A4GALT: variants seen among roughly 807,000 people sequenced by gnomAD.
The protein encoded by A4GALT is alpha 1,4-galactosyltransferase (P1PK blood group), also known as lactosylceramide 4-alpha-galactosyltransferase.
For missense variants in A4GALT, 512 were observed against 486.0 expected (o/e 1.05, Z -0.50); for synonymous variants, 257 against 220.7 (o/e 1.16, Z -1.46).
chr22:42,715,831 C>CTT (rs202032877), intron 1 of A4GALT, among the ~76,000 whole-genome samples: 3 of 81,244 alleles, frequency 3.7e-5, no homozygotes, highest in African/African-American at 8.2e-5. Context: ...AAGATACAAT[C>CTT]TTTTTTTTTG....
chr22:42,716,441 C>G (rs1257096866), intron 1 of A4GALT, among the ~76,000 whole-genome samples: 1 of 152,156 alleles, frequency 6.6e-6, no homozygotes, highest in African/African-American at 2.4e-5. Flanking sequence ...GAGCACTGAC[C>G]ATGTGCAGCC....
chr22:42,711,672 T>G (rs1001494463), intron 1 of A4GALT, among the ~76,000 whole-genome samples: 2 of 152,114 alleles, frequency 1.3e-5, no homozygotes, highest in Non-Finnish European at 2.9e-5. Flanking sequence ...CTCGCTCTGT[T>G]GCCCAGGCTG....
intron 1 of A4GALT, among the ~76,000 whole-genome samples, chr22:42,699,464 C>A (rs1931157113): frequency 6.6e-6 from 1 of 152,190 alleles, no homozygotes; most frequent in Non-Finnish European, 1.5e-5. Context: ...GTGTGAGTGG[C>A]CACGACCCTC....
At chr22:42,720,197 CCCCGTGCCCAG>C (rs1265270457) in intron 1 of A4GALT, among the ~76,000 whole-genome samples, 7 of 142,200 alleles carry the variant, frequency 4.9e-5, no homozygotes, top group African/African-American at 1.8e-4. Context: ...AACCGGCTCG[CCCCGTGCCCAG>C]CTCGTACCCA....
chr22:42,701,293 T>A (rs1601999400), intron 1 of A4GALT, among the ~76,000 whole-genome samples: 1 of 152,056 alleles, frequency 6.6e-6, no homozygotes, highest in East Asian at 1.9e-4. Context: ...TGGACAGGGG[T>A]AACACCAGCA....
rs753250465 is a variant in A4GALT, at chr22:42,703,057, C to CTCTGTGTGTGTGTGTGTG, written c.-187-7427_-187-7426insCACACACACACACACAGA. Among the ~76,000 whole-genome samples the CTCTGTGTGTGTGTGTGTG allele has an allele frequency of 2.8e-3, 371 of 134,412 alleles. 27 individuals carry two copies. Among genetic ancestry groups the CTCTGTGTGTGTGTGTGTG allele is most frequent in the African/African-American group, 0.011 (341 of 31,028 alleles). The allele number at this position is 134,412 out of a possible 152,430, so 88.2% of individuals were successfully genotyped here. A position where few individuals can be genotyped will look rare whatever the true frequency, so the allele number is the denominator to read the frequency against. On this transcript the variant is annotated intron_variant, in intron 1 of 2. Transcript: ENST00000642412. The stretch of plus-strand genomic sequence containing the variant: ...GCCTTGGCTGGCACATGCTGCCCTG[C>CTCTGTGTGTGTGTGTGTG]TGTGTGTGTGTGTGTGTGTGTGTGT...
At chr22:42,705,338 T>C (rs924875104) in intron 1 of A4GALT, among the ~76,000 whole-genome samples, 1 of 152,154 alleles carries the variant, frequency 6.6e-6, no homozygotes, top group Non-Finnish European at 1.5e-5. Flanking sequence ...CAATGGCTCA[T>C]GCCTGTAATC....
chr22:42,712,605 G>C (rs1921790365), intron 1 of A4GALT, among the ~76,000 whole-genome samples: 3 of 152,194 alleles, frequency 2.0e-5, no homozygotes, highest in African/African-American at 7.2e-5. Flanking sequence ...CTGTCTTAAA[G>C]ATTAAAAATA....
At chr22:42,706,378 G>A (rs1267466022) in intron 1 of A4GALT, among the ~76,000 whole-genome samples, 20 of 110,566 alleles carry the variant, frequency 1.8e-4, no homozygotes, top group East Asian at 1.5e-3. Context: ...AAAAAAAAAA[G>A]TTTCACCCAC....
chr22:42,692,939 T>G lies in A4GALT; in HGVS notation c.1013A>C (p.His338Pro). ...GTGCGTCGTGGGGCAGTAGCGGGCATGCAGCTGGGCCAGCAGTGCCCTGGA... is the reference window on the plus strand; with the variant it reads ...GTGCGTCGTGGGGCAGTAGCGGGCAGGCAGCTGGGCCAGCAGTGCCCTGGA... ...ATSRALLAQLHARYCPTTHEA... is the reference protein window; with the variant it reads ...ATSRALLAQLPARYCPTTHEA... Residue 338 changes from histidine (H) to proline (P), a missense_variant, in exon 3 of 3, where the codon CAT becomes CCT. By Grantham distance (77) the His-to-Pro change is moderately conservative (BLOSUM62 -2). Transcript: ENST00000642412. This position sits in a 1 kb window ranked among gnomAD's most constrained non-coding sequence, Gnocchi z 4.6. The G allele has an allele frequency of 6.2e-7, 1 of 1,610,558 alleles. No homozygotes were observed. Among genetic ancestry groups the G allele is most frequent in the South Asian group, 1.1e-5 (1 of 91,072 alleles).
Position 42,692,353 on chromosome 22 carries a change from G to C in A4GALT, c.*537C>G, listed in dbSNP as rs918071478. On this transcript the variant is annotated 3_prime_UTR_variant, in exon 3 of 3. Transcript: ENST00000642412. The surrounding 1 kb of genome is among the most constrained non-coding windows in gnomAD (Gnocchi z 4.6). ...CGGCTCCCCAGGCTGGCACTTCTGG[G>C]CCTCTGCCCCACTCAGTCCCTGTTG... 2.5e-5 allele frequency: 7 copies of C among 277,126 alleles called. No homozygotes were observed. Among genetic ancestry groups the C allele is most frequent in the Non-Finnish European group, 2.1e-5 (3 of 140,930 alleles). The allele number at this position is 277,126 out of a possible 1,614,324, so 17.2% of individuals were successfully genotyped here. A position where few individuals can be genotyped will look rare whatever the true frequency, so the allele number is the denominator to read the frequency against.
At chr22:42,694,880 C>G (rs891625434) in intron 2 of A4GALT, 4 of 152,228 alleles carry the variant, frequency 2.6e-5, no homozygotes, top group African/African-American at 9.7e-5. Flanking sequence ...AGGTGACTTT[C>G]TCAGCATCTC....
chr22:42,720,696 C>CGCCCCT (rs533196162), intron 1 of A4GALT, 101 bp downstream of exon 1: 6 of 152,254 alleles, frequency 3.9e-5, no homozygotes, highest in South Asian at 2.0e-4. Flanking sequence ...CCAGCCCCTC[C>CGCCCCT]GCCCCTGCCC....
At chr22:42,696,998 C>T (rs1341734272) in intron 1 of A4GALT, among the ~76,000 whole-genome samples, 1 of 151,352 alleles carries the variant, frequency 6.6e-6, no homozygotes, top group Non-Finnish European at 1.5e-5. Flanking sequence ...GTTTCCTCAT[C>T]CTTGCATTTA....
At chr22:42,700,171 C>G (rs1289764192) in intron 1 of A4GALT, among the ~76,000 whole-genome samples, 1 of 152,158 alleles carries the variant, frequency 6.6e-6, no homozygotes, top group Non-Finnish European at 1.5e-5. Context: ...GCGCAGCCCT[C>G]GTCCCCTGGA....
At chr22:42,706,110 C>T in intron 1 of A4GALT, among the ~76,000 whole-genome samples, 1 of 112,244 alleles carries the variant, frequency 8.9e-6, no homozygotes, top group Non-Finnish European at 2.0e-5. Flanking sequence ...AATCTCAGCA[C>T]TTTGGGAGGC....
chr22:42,705,584 C>T lies in A4GALT; in HGVS notation c.-187-9953G>A, dbSNP rs1326824029. Reference sequence around the variant, plus strand: ...TACCACTGCACTCCAGCCTGGGCGACAGAGATTCTGTCTCAAAAAAAAAAA... The same window carrying T: ...TACCACTGCACTCCAGCCTGGGCGATAGAGATTCTGTCTCAAAAAAAAAAA... On this transcript the variant is annotated intron_variant, in intron 1 of 2. Transcript: ENST00000642412. Among the ~76,000 whole-genome samples the T allele has an allele frequency of 7.6e-5, 7 of 91,876 alleles. 1 individual carries two copies. The highest frequency in any genetic ancestry group is 1.7e-4 in the Non-Finnish European group (7 of 41,556). The allele number at this position is 91,876 out of a possible 152,430, so 60.3% of individuals were successfully genotyped here.
At chr22:42,697,379 CT>C (rs1312088134) in intron 1 of A4GALT, among the ~76,000 whole-genome samples, 2 of 152,142 alleles carry the variant, frequency 1.3e-5, no homozygotes, top group Non-Finnish European at 2.9e-5. Context: ...CCCCCTGCCC[CT>C]GTCTTTCTTC....
chr22:42,704,881 G>C (rs5751345), intron 1 of A4GALT, among the ~76,000 whole-genome samples: 15 of 35,048 alleles, frequency 4.3e-4, no homozygotes, highest in East Asian at 3.3e-3. Context: ...GGGGGGGGCG[G>C]GGGGGGGCGG....
Sources: allele counts gnomAD v4.1 joint callset (sites outside exome capture counted in the v4.1 genomes callset), GRCh38; gene constraint gnomAD v4.1.1; non-coding constraint Gnocchi (gnomAD v3.1); transcripts MANE v1.5; gene names NCBI Gene and HGNC (gene_info 2026-07-23, HGNC 2026-07-21).